RNF175: variants seen among roughly 807,000 people sequenced by gnomAD.
The protein encoded by RNF175 is ring finger protein 175.
A neutral mutation model predicts 50.0 loss-of-function variants in RNF175; 38 were observed. The observed-to-expected ratio is 0.76, with a 90% CI of 0.59 to 1.00. RNF175 has a LOEUF of 1.00. Among genes scored for constraint, RNF175 ranks in the 50% least tolerant of loss-of-function variants. RNF175 has a pLI of 0.00. For missense variants in RNF175, 388 were observed against 409.6 expected, an observed-to-expected ratio of 0.95 and a Z score of 0.46; for synonymous variants, 155 against 146.1, an observed-to-expected ratio of 1.06 and a Z score of -0.44.
intron 3 of RNF175, among the ~76,000 whole-genome samples, chr4:153,745,094 A>G (rs12331203): frequency 0.045 from 6,835 of 152,300 alleles, 383 homozygotes; most frequent in African/African-American, 0.13. Flanking sequence ...TATAATGGCC[A>G]TTCCAAGACC....
chr4:153,711,667 G>C (rs1737592129), intron 8 of RNF175, among the ~76,000 whole-genome samples: 1 of 152,190 alleles, frequency 6.6e-6, no homozygotes, highest in African/African-American at 2.4e-5. Context: ...AACCTTTCAG[G>C]ACTCTTCTGC....
intron 6 of RNF175, among the ~76,000 whole-genome samples, chr4:153,715,913 A>T (rs533724715): frequency 3.9e-5 from 6 of 151,958 alleles, no homozygotes; most frequent in African/African-American, 1.4e-4. Flanking sequence ...AATACAAAAA[A>T]ATTAGCCAGG....
At chr4:153,724,491 G>A (rs898402021) in intron 4 of RNF175, among the ~76,000 whole-genome samples, 5 of 152,150 alleles carry the variant, frequency 3.3e-5, no homozygotes, top group African/African-American at 1.2e-4. Context: ...ACATCCTCTT[G>A]GAGTCTCTTT....
At chr4:153,735,851 C>A (rs530018406) in intron 3 of RNF175, among the ~76,000 whole-genome samples, 1 of 152,170 alleles carries the variant, frequency 6.6e-6, no homozygotes, top group Non-Finnish European at 1.5e-5. Context: ...TATCTTCCAA[C>A]CTTGCTATAA....
At chr4:153,732,243 A>C (rs999730018) in intron 3 of RNF175, among the ~76,000 whole-genome samples, 1 of 149,686 alleles carries the variant, frequency 6.7e-6, no homozygotes, top group Non-Finnish European at 1.5e-5. Flanking sequence ...AAAAAAAAAA[A>C]CAAAAACAAA....
At chr4:153,738,266 T>A (rs1044806647) in intron 3 of RNF175, among the ~76,000 whole-genome samples, 1 of 152,002 alleles carries the variant, frequency 6.6e-6, no homozygotes, top group Non-Finnish European at 1.5e-5. Context: ...CCCAAGCTGG[T>A]TTTGAACTCC....
At position 153,723,205 on chromosome 4, in the gene RNF175, G is replaced by A. The variant is rs1421028490; in HGVS notation, c.509+146C>T. 6 of 474,308 alleles carry A rather than the reference G, an allele frequency of 1.3e-5. No homozygotes were observed. The Admixed American group carries it at 2.1e-4, about 17-fold the overall frequency. 29.4% of individuals were successfully genotyped at this position (474,308 alleles called of 1,614,324 possible). ...CTTCCCTTTCTATTGGTTTTCCCCAGAGAAGACTACGTGTGGATATCTACT... is the reference window on the plus strand; with the variant it reads ...CTTCCCTTTCTATTGGTTTTCCCCAAAGAAGACTACGTGTGGATATCTACT... On this transcript the variant is annotated intron_variant, in intron 5 of 8. Transcript: ENST00000347063.
At chr4:153,749,924 A>G (rs992202265) in intron 2 of RNF175, among the ~76,000 whole-genome samples, 3 of 152,162 alleles carry the variant, frequency 2.0e-5, no homozygotes, top group Non-Finnish European at 2.9e-5. Flanking sequence ...TTTTTAAGCC[A>G]CCTATTCTGT....
At chr4:153,720,424 T>G in intron 5 of RNF175, 120 bp from the exon 6 acceptor site, 1 of 774,208 alleles carries the variant, frequency 1.3e-6, no homozygotes, top group Non-Finnish European at 2.1e-6. Context: ...TTTTTTTCAT[T>G]TATGTGTTTG....
chr4:153,738,144 G>C (rs1315719081), intron 3 of RNF175, among the ~76,000 whole-genome samples: 1 of 152,010 alleles, frequency 6.6e-6, no homozygotes, highest in Non-Finnish European at 1.5e-5. Context: ...TGACCTCCTG[G>C]GCTCAAGCCA....
At chr4:153,714,745 C>T (rs572861403) in intron 7 of RNF175, 1 of 152,538 alleles carries the variant, frequency 6.6e-6, no homozygotes, top group East Asian at 1.9e-4. Flanking sequence ...TCAGGGGTCT[C>T]GATGCCAGCA....
chr4:153,748,253 G>A (rs1740084657), intron 3 of RNF175, among the ~76,000 whole-genome samples: 1 of 152,156 alleles, frequency 6.6e-6, no homozygotes, highest in Non-Finnish European at 1.5e-5. Context: ...CTGGACTGTT[G>A]GCAGAAGTTG....
intron 3 of RNF175, among the ~76,000 whole-genome samples, chr4:153,742,564 G>A (rs1221497246): frequency 6.6e-6 from 1 of 152,108 alleles, no homozygotes; most frequent in African/African-American, 2.4e-5. Context: ...ATCAGCCACT[G>A]TACTAGAAAT....
chr4:153,731,950 G>A (rs1739061402), intron 3 of RNF175, among the ~76,000 whole-genome samples: 1 of 152,098 alleles, frequency 6.6e-6, no homozygotes, highest in Non-Finnish European at 1.5e-5. Context: ...GAAAGTATGG[G>A]TTGGCACGTG....
At chr4:153,754,863 G>C (rs1358402041) in intron 1 of RNF175, among the ~76,000 whole-genome samples, 2 of 152,236 alleles carry the variant, frequency 1.3e-5, no homozygotes, top group African/African-American at 4.8e-5. Flanking sequence ...GTCTCCCCTA[G>C]AGTCTTTGGA....
chr4:153,746,677 G>C (rs755401391), intron 3 of RNF175, among the ~76,000 whole-genome samples: 1 of 152,226 alleles, frequency 6.6e-6, no homozygotes, highest in African/African-American at 2.4e-5. Context: ...GGACTTGGGG[G>C]CATCCCCACC....
chr4:153,759,440 G>A (rs993875216), intron 1 of RNF175, among the ~76,000 whole-genome samples: 1 of 152,240 alleles, frequency 6.6e-6, no homozygotes, highest in Non-Finnish European at 1.5e-5. Context: ...CTTCCGCCGA[G>A]GAGGGAGGAG....
chr4:153,711,340 A>C (rs1476364637), intron 8 of RNF175, among the ~76,000 whole-genome samples: 1 of 151,864 alleles, frequency 6.6e-6, no homozygotes, highest in Admixed American at 6.6e-5. Flanking sequence ...CTCACCGAGA[A>C]AGGCCAGGTC....
chr4:153,715,754 A>T, intron 6 of RNF175, 92 bp from the exon 7 acceptor site: 3 of 1,353,902 alleles, frequency 2.2e-6, no homozygotes, highest in Non-Finnish European at 3.0e-6. Flanking sequence ...TGGGACAGGC[A>T]GCCCTTGGCA....
Sources: gnomAD v4.1 joint callset for allele counts (sites outside exome capture counted in the v4.1 genomes callset) on GRCh38, gnomAD v4.1.1 for gene constraint, MANE v1.5 for transcripts, NCBI Gene and HGNC (gene_info 2026-07-23, HGNC 2026-07-21) for gene names.